MTMR6: variants seen among roughly 807,000 people sequenced by gnomAD.
MTMR6 encodes the protein phosphatidylinositol-3,5-bisphosphate 3-phosphatase MTMR6.
A neutral mutation model predicts 80.1 loss-of-function variants in MTMR6; 47 were observed. The ratio of observed to expected loss-of-function variants is 0.59; its 90% CI spans 0.46 to 0.75. MTMR6 has a LOEUF of 0.75. Among genes scored for constraint, MTMR6 ranks in the 30% least tolerant of loss-of-function variants. MTMR6 has a pLI of 0.00. For synonymous variants in MTMR6, 254 were observed against 253.0 expected (o/e 1.00, Z -0.04); for missense variants, 629 against 730.9 (o/e 0.86, Z 1.61).
chr13:25,265,389 A>G (rs1302962559), intron 5 of MTMR6, among the ~76,000 whole-genome samples: 3 of 152,218 alleles, frequency 2.0e-5, no homozygotes, highest in African/African-American at 7.2e-5. Context: ...TTAAATTTGC[A>G]AAAACGTAAT....
At chr13:25,259,143 A>G (rs1957280890) in intron 6 of MTMR6, among the ~76,000 whole-genome samples, 1 of 152,148 alleles carries the variant, frequency 6.6e-6, no homozygotes, top group Non-Finnish European at 1.5e-5. Context: ...GGACCTGAAA[A>G]TCAGATCTGA....
intron 9 of MTMR6, 136 bp downstream of exon 9, chr13:25,257,060 C>A: frequency 1.0e-6 from 1 of 964,746 alleles, no homozygotes. Context: ...TAGCAATATC[C>A]CTGGCCACTC....
Position 25,257,334 on chromosome 13 carries a change from A to G in MTMR6, c.970-13T>C. On this transcript the variant is annotated splice_polypyrimidine_tract_variant and intron_variant, in intron 8 of 13. Coordinates refer to ENST00000381801, the MANE Select transcript of MTMR6 (RefSeq NM_004685.5). The stretch of plus-strand genomic sequence containing the variant: ...CAACTGTTATTGCCTGAAAAGAAAG[A>G]TCACATACATTCTAGCGTACTTTAA... The G allele has an allele frequency of 1.9e-6, 3 of 1,613,330 alleles. No individual in the cohort carries two copies. Among genetic ancestry groups the G allele is most frequent in the Non-Finnish European group, 2.5e-6 (3 of 1,179,586 alleles).
chr13:25,271,029 T>C (rs577624078), intron 2 of MTMR6, among the ~76,000 whole-genome samples: 1 of 152,332 alleles, frequency 6.6e-6, no homozygotes, highest in African/African-American at 2.4e-5. Flanking sequence ...ACTGATGCTA[T>C]ATACCCATTT....
intron 1 of MTMR6, among the ~76,000 whole-genome samples, chr13:25,280,297 G>T (rs1593158308): frequency 6.6e-6 from 1 of 152,098 alleles, no homozygotes; most frequent in Non-Finnish European, 1.5e-5. Context: ...ACATACAACT[G>T]CTTCAATGGG....
intron 2 of MTMR6, among the ~76,000 whole-genome samples, chr13:25,270,489 AGGGAATAGCTATAC>A (rs1280376673): frequency 6.6e-6 from 1 of 152,188 alleles, no homozygotes; most frequent in Non-Finnish European, 1.5e-5. Flanking sequence ...CCAGCAGCTG[AGGGAATAGCTATAC>A]GGGAAGCCTT....
At chr13:25,271,204 G>A (rs748392175) in intron 2 of MTMR6, among the ~76,000 whole-genome samples, 4 of 152,114 alleles carry the variant, frequency 2.6e-5, no homozygotes, top group South Asian at 2.1e-4. Context: ...CCAAGTGTCC[G>A]GATTTTCAAA....
At chr13:25,262,525 G>A (rs913431528) in intron 5 of MTMR6, among the ~76,000 whole-genome samples, 4 of 151,888 alleles carry the variant, frequency 2.6e-5, no homozygotes, top group East Asian at 3.9e-4. Context: ...ACACCACCAC[G>A]CCTGACTAAT....
intron 1 of MTMR6, among the ~76,000 whole-genome samples, chr13:25,279,403 C>A (rs1435025245): frequency 6.6e-6 from 1 of 152,152 alleles, no homozygotes; most frequent in African/African-American, 2.4e-5. Flanking sequence ...GCCTCTCCAG[C>A]CATGTGGAAC....
Position 25,287,482 on chromosome 13 carries a change from CGT to C in MTMR6, c.-237_-236del. 2 of 566,950 alleles carry C rather than the reference CGT, an allele frequency of 3.5e-6. No individual in the cohort carries two copies. Among genetic ancestry groups the C allele is most frequent in the Non-Finnish European group, 6.3e-6 (2 of 315,688 alleles). 35.1% of individuals were successfully genotyped at this position (566,950 alleles called of 1,614,324 possible). On this transcript the variant is annotated 5_prime_UTR_variant, in exon 1 of 14. Coordinates refer to ENST00000381801, the MANE Select transcript of MTMR6 (RefSeq NM_004685.5). ...GGGGACTCGGGGCAGGCAGACAGAG[CGT>C]GTGTGGACCGAGAGCGGCTTGCTGG...
intron 1 of MTMR6, among the ~76,000 whole-genome samples, chr13:25,280,473 G>A (rs1368322508): frequency 6.6e-6 from 1 of 152,136 alleles, no homozygotes; most frequent in Non-Finnish European, 1.5e-5. Flanking sequence ...CCTAAGGAGG[G>A]GAAATCAAAT....
Position 25,262,436 on chromosome 13 carries a change from C to T in MTMR6, c.592-634G>A, listed in dbSNP as rs1239368484. Among the ~76,000 whole-genome samples the T allele has an allele frequency of 2.6e-5, 4 of 152,304 alleles. No individual in the cohort carries two copies. In the East Asian group the frequency reaches 7.7e-4, roughly 29 times the overall value. On this transcript the variant is annotated intron_variant, in intron 5 of 13. Transcript: ENST00000381801. Reference sequence around the variant, plus strand: ...AGTTTGGAATGCAGTGGCGTGATCACAGCTCATTGCAGCCTTGACCTCCTG... The same window carrying T: ...AGTTTGGAATGCAGTGGCGTGATCATAGCTCATTGCAGCCTTGACCTCCTG...
rs1449993675 is a variant in MTMR6 at position 25,265,840 on chromosome 13, G to A, written c.570C>T (p.Ser190=). The A allele has an allele frequency of 6.2e-7, 1 of 1,613,750 alleles. No individual in the cohort carries two copies. The highest frequency in any genetic ancestry group is 8.5e-7 in the Non-Finnish European group (1 of 1,179,764). Residue 190 remains serine (S), a synonymous_variant, in exon 5 of 14, where the codon TCC becomes TCT. Coordinates refer to ENST00000381801, the MANE Select transcript of MTMR6 (RefSeq NM_004685.5). The part of the protein sequence containing the change: ...FRSKGRFPVL[S]YYHQDKEAAI... Reference sequence around the variant, plus strand: ...CTACCTCCTTATCTTGATGATAGTAGGAAAGAACTGGGAATCTTCCCTTGC... The same window carrying A: ...CTACCTCCTTATCTTGATGATAGTAAGAAAGAACTGGGAATCTTCCCTTGC...
intron 1 of MTMR6, among the ~76,000 whole-genome samples, chr13:25,278,653 C>T (rs1011178146): frequency 1.3e-4 from 17 of 131,172 alleles, no homozygotes; most frequent in African/African-American, 4.9e-4. Flanking sequence ...GTGGAGGTTG[C>T]AGTGAGCCGA....
At chr13:25,269,583 AC>A (rs1356681431) in intron 2 of MTMR6, among the ~76,000 whole-genome samples, 1 of 152,128 alleles carries the variant, frequency 6.6e-6, no homozygotes, top group Non-Finnish European at 1.5e-5. Context: ...TAAAAATTCA[AC>A]ATAAATTTCA....
At chr13:25,268,571 ACACCAAAAG>A (rs1437985335) in intron 2 of MTMR6, among the ~76,000 whole-genome samples, 7 of 152,156 alleles carry the variant, frequency 4.6e-5, no homozygotes, top group Non-Finnish European at 2.9e-5. Flanking sequence ...ACTCATAATA[ACACCAAAAG>A]CGTAGCCTGA....
intron 9 of MTMR6, among the ~76,000 whole-genome samples, chr13:25,255,686 GCT>G (rs1369006101): frequency 6.6e-6 from 1 of 152,106 alleles, no homozygotes; most frequent in Non-Finnish European, 1.5e-5. Context: ...ACCATGCCCG[GCT>G]AATTTTTGTA....
At chr13:25,274,996 A>ACACACACACACACACACACACACACC (rs1957685919) in intron 1 of MTMR6, among the ~76,000 whole-genome samples, 1 of 148,158 alleles carries the variant, frequency 6.7e-6, no homozygotes, top group Non-Finnish European at 1.5e-5. Context: ...ACACACACAC[A>ACACACACACACACACACACACACACC]CACACACACA....
At chr13:25,267,016 G>A (rs541634328) in intron 3 of MTMR6, among the ~76,000 whole-genome samples, 87 of 152,248 alleles carry the variant, frequency 5.7e-4, no homozygotes, top group African/African-American at 2.1e-3. Flanking sequence ...TTGGGAGGCC[G>A]AGGAGGGTGG....
Sources: allele counts gnomAD v4.1 joint callset (sites outside exome capture counted in the v4.1 genomes callset), GRCh38; gene constraint gnomAD v4.1.1; transcripts MANE v1.5; gene names NCBI Gene and HGNC (gene_info 2026-07-23, HGNC 2026-07-21).